HACD2: variants seen among roughly 807,000 people sequenced by gnomAD.
The protein encoded by HACD2 is 3-hydroxyacyl-CoA dehydratase 2.
A neutral mutation model predicts 31.0 loss-of-function variants in HACD2; 15 were observed. The ratio of observed to expected loss-of-function variants is 0.48; its 90% confidence interval spans 0.32 to 0.75. The LOEUF is 0.75. Ranked by LOEUF, HACD2 falls within the 30% of genes least tolerant of loss-of-function variation. HACD2 has a pLI of 0.03. For missense variants in HACD2, 283 were observed against 313.0 expected (o/e 0.90, Z 0.72); for synonymous variants, 115 against 122.2 (o/e 0.94, Z 0.39).
At chr3:123,573,972 C>T (rs1309558645) in intron 2 of HACD2, among the ~76,000 whole-genome samples, 2 of 152,074 alleles carry the variant, frequency 1.3e-5, no homozygotes, top group Admixed American at 6.5e-5. Flanking sequence ...TGTAAGGTCA[C>T]CTAATCCAGT....
chr3:123,541,918 C>T lies in HACD2; in HGVS notation c.293-13444G>A, dbSNP rs112420442. Among the ~76,000 whole-genome samples, 3,592 of 151,804 alleles carry T rather than the reference C, an allele frequency of 0.024. 229 individuals are homozygous for T. The East Asian group carries it at 0.25, about 11-fold the overall frequency. ...ATCCCAGCACTTTGGGAGGCCGAGGCGGGCGGATCACGAGGTCAGGAGATC... is the reference window on the plus strand; with the variant it reads ...ATCCCAGCACTTTGGGAGGCCGAGGTGGGCGGATCACGAGGTCAGGAGATC... On this transcript the variant is annotated intron_variant, in intron 3 of 6. Transcript: ENST00000383657.
chr3:123,540,741 G>C (rs2056479925), intron 3 of HACD2, among the ~76,000 whole-genome samples: 1 of 152,074 alleles, frequency 6.6e-6, no homozygotes, highest in African/African-American at 2.4e-5. Flanking sequence ...TCACCAGCAA[G>C]AGCACATCAC....
intron 3 of HACD2, among the ~76,000 whole-genome samples, chr3:123,565,359 C>A (rs1296282898): frequency 6.6e-6 from 1 of 152,040 alleles, no homozygotes; most frequent in Non-Finnish European, 1.5e-5. Context: ...ATGCCCACTG[C>A]AAAAGTAATA....
intron 2 of HACD2, among the ~76,000 whole-genome samples, chr3:123,569,340 G>T (rs1294643579): frequency 6.6e-6 from 1 of 152,266 alleles, no homozygotes; most frequent in East Asian, 1.9e-4. Flanking sequence ...CAAGAAGACA[G>T]ATGACAGTAC....
At chr3:123,501,048 T>C (rs1200966913) in intron 5 of HACD2, among the ~76,000 whole-genome samples, 1 of 152,106 alleles carries the variant, frequency 6.6e-6, no homozygotes. Flanking sequence ...TCCTGCCCTG[T>C]GGGTCTTGGG....
intron 4 of HACD2, among the ~76,000 whole-genome samples, chr3:123,514,687 C>G (rs934463379): frequency 6.6e-6 from 1 of 151,986 alleles, no homozygotes; most frequent in African/African-American, 2.4e-5. Flanking sequence ...TGTCTTAGAC[C>G]GTAAACAAGC....
chr3:123,582,950 T>G (rs1388689252), intron 1 of HACD2, among the ~76,000 whole-genome samples: 1 of 152,244 alleles, frequency 6.6e-6, no homozygotes, highest in Non-Finnish European at 1.5e-5. Flanking sequence ...CAGCTGTGAA[T>G]GTTATATTTT....
chr3:123,534,124 T>G (rs1191846117), intron 3 of HACD2, among the ~76,000 whole-genome samples: 1 of 151,962 alleles, frequency 6.6e-6, no homozygotes, highest in Non-Finnish European at 1.5e-5. Flanking sequence ...CTCTGAGGAC[T>G]CCCCAAACCA....
chr3:123,538,744 G>A (rs956248193), intron 3 of HACD2, among the ~76,000 whole-genome samples: 7 of 152,314 alleles, frequency 4.6e-5, no homozygotes, highest in South Asian at 2.1e-4. Context: ...ATGTGAGTAT[G>A]TGCACCAGAA....
At chr3:123,555,873 T>C (rs1365292137) in intron 3 of HACD2, among the ~76,000 whole-genome samples, 3 of 152,076 alleles carry the variant, frequency 2.0e-5, no homozygotes, top group Non-Finnish European at 2.9e-5. Context: ...TATACATCAA[T>C]AGAACAGAGG....
chr3:123,543,783 T>C, intron 3 of HACD2: 1 of 250,434 alleles, frequency 4.0e-6, no homozygotes, highest in South Asian at 3.9e-5. Flanking sequence ...TTGACCAGCA[T>C]TGCAGAATAT....
At chr3:123,517,632 A>G (rs2056154569) in intron 4 of HACD2, among the ~76,000 whole-genome samples, 1 of 152,222 alleles carries the variant, frequency 6.6e-6, no homozygotes, top group East Asian at 1.9e-4. Flanking sequence ...CTCCAAATGC[A>G]GTATCCCAAT....
intron 4 of HACD2, among the ~76,000 whole-genome samples, chr3:123,503,954 AG>A (rs1027873485): frequency 4.6e-5 from 7 of 152,252 alleles, no homozygotes; most frequent in African/African-American, 1.7e-4. Context: ...TGAAATAAGT[AG>A]TCATTTACAT....
At chr3:123,582,172 C>T (rs778246137) in intron 2 of HACD2, 40 bp downstream of exon 2, 2 of 1,301,010 alleles carry the variant, frequency 1.5e-6, no homozygotes, top group Non-Finnish European at 1.1e-6. Context: ...TTTCTTCATA[C>T]CAATGGAAAT....
At chr3:123,524,226 A>G (rs2056251246) in intron 4 of HACD2, among the ~76,000 whole-genome samples, 1 of 152,206 alleles carries the variant, frequency 6.6e-6, no homozygotes, top group African/African-American at 2.4e-5. Context: ...TCTTAAAATT[A>G]TTTGAGAAGC....
intron 4 of HACD2, among the ~76,000 whole-genome samples, chr3:123,504,887 A>AAATAT (rs2055954117): frequency 6.6e-6 from 1 of 152,208 alleles, no homozygotes; most frequent in South Asian, 2.1e-4. Flanking sequence ...CAAAATGGAC[A>AAATAT]AATGCATAAC....
chr3:123,499,907 G>C (rs2055882033), intron 6 of HACD2, among the ~76,000 whole-genome samples: 1 of 152,152 alleles, frequency 6.6e-6, no homozygotes, highest in South Asian at 2.1e-4. Context: ...TGAATACACT[G>C]ATAGGCACAT....
chr3:123,516,336 G>A (rs1247232291), intron 4 of HACD2, among the ~76,000 whole-genome samples: 2 of 150,422 alleles, frequency 1.3e-5, no homozygotes, highest in East Asian at 2.0e-4. Flanking sequence ...CCGGGTTCAC[G>A]CCATTCTCCT....
At chr3:123,532,382 C>T (rs1340006039) in intron 3 of HACD2, among the ~76,000 whole-genome samples, 6 of 152,138 alleles carry the variant, frequency 3.9e-5, no homozygotes, top group Admixed American at 1.3e-4. Flanking sequence ...AGCACAATCT[C>T]GAAATGCCTG....
Sources: allele counts gnomAD v4.1 joint callset (sites outside exome capture counted in the v4.1 genomes callset), GRCh38; gene constraint gnomAD v4.1.1; transcripts MANE v1.5; gene names NCBI Gene and HGNC (gene_info 2026-07-23, HGNC 2026-07-21).